The following MTFR2 variants were observed in gnomAD, a reference collection of about 807,000 sequenced individuals.
MTFR2 encodes mitochondrial fission regulator 2, also known as DUF729 domain-containing protein 1.
Under a neutral mutation model 41.2 loss-of-function variants are expected in MTFR2, and 44 were observed. The observed-to-expected ratio is 1.07, with a 90% CI of 0.84 to 1.37. The LOEUF is 1.37. Ranked by LOEUF, MTFR2 falls within the 40% of genes most tolerant of loss-of-function variation. The pLI is 0.00. For missense variants in MTFR2, 452 were observed against 459.5 expected, an observed-to-expected ratio of 0.98 and a Z score of 0.15; for synonymous variants, 141 against 154.6, an observed-to-expected ratio of 0.91 and a Z score of 0.65.
chr6:136,233,246 G>A, intron 7 of MTFR2, 79 bp downstream of exon 7: 1 of 1,248,296 alleles, frequency 8.0e-7, no homozygotes, highest in South Asian at 1.4e-5. Context: ...TACTTCAAGA[G>A]AACTTGAACA....
intron 6 of MTFR2, among the ~76,000 whole-genome samples, chr6:136,239,005 C>T (rs192251521): frequency 6.6e-6 from 1 of 152,294 alleles, no homozygotes; most frequent in East Asian, 1.9e-4. Flanking sequence ...GAGGTCGAGG[C>T]TGCAGTGAGC....
At position 136,239,599 on chromosome 6, in the gene MTFR2, T is replaced by C; in HGVS notation, c.736A>G (p.Met246Val). 3 of 1,614,184 alleles carry C rather than the reference T, an allele frequency of 1.9e-6. No homozygotes were observed. Among genetic ancestry groups the C allele is most frequent in the Non-Finnish European group, 2.5e-6 (3 of 1,180,032 alleles). The change falls in exon 6 of 8, where the codon ATG becomes GTG. Residue 246 changes from methionine to valine, a missense_variant. By Grantham distance (21) the Met-to-Val change is conservative (BLOSUM62 1). Transcript: ENST00000420702. ...ICDSDNPATE[M>V]SKQNPAANKT... is the part of the protein sequence containing the mutation. ...TTAGCAGCCGGGTTCTGTTTGCTCA[T>C]TTCAGTTGCTGGATTATCTGAGTCA...
chr6:136,237,440 C>T (rs1400331311), intron 6 of MTFR2, among the ~76,000 whole-genome samples: 1 of 152,188 alleles, frequency 6.6e-6, no homozygotes, highest in Non-Finnish European at 1.5e-5. Flanking sequence ...ACTTTTAATA[C>T]TGTCAGTGGG....
intron 6 of MTFR2, among the ~76,000 whole-genome samples, chr6:136,236,958 G>C (rs1378977086): frequency 1.3e-5 from 2 of 152,208 alleles, no homozygotes; most frequent in Non-Finnish European, 2.9e-5. Context: ...ATTGCAACCA[G>C]ATGCCGGAAG....
At position 136,239,682 on chromosome 6, in the gene MTFR2, A is replaced by C; in HGVS notation, c.653T>G (p.Phe218Cys). The change falls in exon 6 of 8, where the codon TTT becomes TGT. Residue 218 changes from phenylalanine (F) to cysteine (C), a missense_variant. Transcript: ENST00000420702. ...PPPPPPLPPQ[F>C]SSLQPPCFPP... The stretch of plus-strand genomic sequence containing the variant: ...AAAACACGGTGGCTGGAGAGATGAA[A>C]ACTGAGGAGGAAGTGGTGGAGGAGG... 6.2e-7 allele frequency: 1 copy of C among 1,613,954 alleles called. No homozygotes were observed. The highest frequency in any genetic ancestry group is 8.5e-7 in the Non-Finnish European group (1 of 1,179,990).
intron 2 of MTFR2, among the ~76,000 whole-genome samples, chr6:136,246,148 G>C (rs950776764): frequency 1.3e-5 from 2 of 152,288 alleles, no homozygotes; most frequent in East Asian, 3.9e-4. Context: ...CAAGAGTTGG[G>C]TTAGTTCTTA....
rs1010581058 is a variant in MTFR2, at chr6:136,239,692, G to T, written c.643C>A (p.Pro215Thr). 1.2e-6 allele frequency: 2 copies of T among 1,614,104 alleles called. No homozygotes were observed. The highest frequency in any genetic ancestry group is 1.7e-6 in the Non-Finnish European group (2 of 1,180,016). Residue 215 changes from proline to threonine, a missense_variant, in exon 6 of 8, where the codon CCT (proline) becomes ACT (threonine). Transcript: ENST00000420702. The stretch of plus-strand genomic sequence containing the variant: ...GGCTGGAGAGATGAAAACTGAGGAG[G>T]AAGTGGTGGAGGAGGAGGAGGAGAA... ...VLSPPPPPPL[P>T]PQFSSLQPPC... is the part of the protein sequence containing the mutation.
intron 2 of MTFR2, among the ~76,000 whole-genome samples, chr6:136,248,438 A>G (rs1469692029): frequency 1.3e-5 from 2 of 152,250 alleles, no homozygotes; most frequent in East Asian, 3.9e-4. Flanking sequence ...GTCTCATGAG[A>G]TGTGATGGTT....
At chr6:136,249,181 C>G (rs912136736) in intron 1 of MTFR2, 28 bp from the exon 2 acceptor site, 12 of 1,155,470 alleles carry the variant, frequency 1.0e-5, no homozygotes, top group Non-Finnish European at 1.3e-5. Context: ...GAAAATGTTA[C>G]TCTTGACAAA....
chr6:136,238,774 A>G (rs555557185), intron 6 of MTFR2, among the ~76,000 whole-genome samples: 7 of 152,120 alleles, frequency 4.6e-5, no homozygotes, highest in African/African-American at 1.7e-4. Flanking sequence ...TAGTCAAAAT[A>G]TATGAAATGG....
chr6:136,239,398 A>G (rs980849372), intron 6 of MTFR2, 68 bp downstream of exon 6: 4 of 1,194,274 alleles, frequency 3.3e-6, no homozygotes, highest in Non-Finnish European at 3.5e-6. Context: ...ATTTTCATAA[A>G]CATAATAATT....
Position 136,239,590 on chromosome 6 carries a change from G to A in MTFR2, c.745C>T (p.Gln249Ter), listed in dbSNP as rs906476868. 6.2e-7 allele frequency: 1 copy of A among 1,614,062 alleles called. No individual in the cohort carries two copies. Among genetic ancestry groups the A allele is most frequent in the Non-Finnish European group, 8.5e-7 (1 of 1,180,012 alleles). ...SDNPATEMSKQNPAANKTNYS... is the reference protein window; with the variant it reads ...SDNPATEMSK Reference sequence around the variant, plus strand: ...TTGGTCTTATTAGCAGCCGGGTTCTGTTTGCTCATTTCAGTTGCTGGATTA... The same window carrying A: ...TTGGTCTTATTAGCAGCCGGGTTCTATTTGCTCATTTCAGTTGCTGGATTA... The change falls in exon 6 of 8, where the codon CAG becomes TAG. Residue 249 changes from glutamine (Q) to a stop codon, truncating the protein, a stop_gained. Coordinates refer to ENST00000420702, the MANE Select transcript of MTFR2 (RefSeq NM_001099286.3). LOFTEE classifies it high-confidence loss of function.
intron 2 of MTFR2, among the ~76,000 whole-genome samples, chr6:136,245,427 T>G (rs528188242): frequency 1.3e-5 from 2 of 152,200 alleles, no homozygotes; most frequent in African/African-American, 4.8e-5. Flanking sequence ...GAAGTAATAA[T>G]GTGCTACTAT....
At chr6:136,242,685 A>C (rs1780110607) in intron 4 of MTFR2, among the ~76,000 whole-genome samples, 176 bp downstream of exon 4, 1 of 152,198 alleles carries the variant, frequency 6.6e-6, no homozygotes, top group African/African-American at 2.4e-5. Context: ...ACTAAAAAAA[A>C]AACAACTGGC....
intron 6 of MTFR2, among the ~76,000 whole-genome samples, chr6:136,235,077 A>G (rs556611970): frequency 1.3e-5 from 2 of 152,134 alleles, no homozygotes; most frequent in African/African-American, 4.8e-5. Context: ...TTTAGTAGAG[A>G]CTGGGTTTCA....
intron 6 of MTFR2, among the ~76,000 whole-genome samples, chr6:136,237,493 GAAGA>G (rs1318878365): frequency 2.0e-5 from 3 of 152,148 alleles, no homozygotes; most frequent in African/African-American, 7.2e-5. Flanking sequence ...AGAAGCATTT[GAAGA>G]AAAAGAAACA....
rs772273824 is a variant in MTFR2 at position 136,231,134 on chromosome 6, T to G, written c.*141A>C. 18 of 588,278 alleles carry G rather than the reference T, an allele frequency of 3.1e-5. No individual in the cohort carries two copies. The South Asian group carries it at 4.0e-4, about 13-fold the overall frequency. 36.4% of individuals were successfully genotyped at this position (588,278 alleles called of 1,614,324 possible). On this transcript the variant is annotated 3_prime_UTR_variant, in exon 8 of 8. Transcript: ENST00000420702. ...AAAATGACAGGCATACATATTTACATAGCAAGTGTAGGCAAAATGTGTCAA... is the reference window on the plus strand; with the variant it reads ...AAAATGACAGGCATACATATTTACAGAGCAAGTGTAGGCAAAATGTGTCAA...
intron 4 of MTFR2, 62 bp downstream of exon 4, chr6:136,242,799 G>C (rs1780114179): frequency 7.8e-7 from 1 of 1,289,210 alleles, no homozygotes; most frequent in African/African-American, 1.5e-5. Flanking sequence ...ATCTTAACAA[G>C]CTTCGACACA....
intron 5 of MTFR2, among the ~76,000 whole-genome samples, chr6:136,240,486 T>G (rs902160774): frequency 1.3e-5 from 2 of 152,118 alleles, no homozygotes; most frequent in Non-Finnish European, 2.9e-5. Flanking sequence ...TTAAAAAATT[T>G]TTAGCAATTA....
Sources: gnomAD v4.1 joint callset for allele counts (sites outside exome capture counted in the v4.1 genomes callset) on GRCh38, gnomAD v4.1.1 for gene constraint, MANE v1.5 for transcripts, NCBI Gene and HGNC (gene_info 2026-07-23, HGNC 2026-07-21) for gene names.